Variants in PRKAR1B observed in about 807,000 individuals in gnomAD.
PRKAR1B encodes protein kinase cAMP-dependent type I regulatory subunit beta, also known as cAMP-dependent protein kinase type I-beta regulatory subunit.
PRKAR1B carries 22 observed loss-of-function variants against 46.5 expected under a neutral mutation model. The observed-to-expected ratio is 0.47, with a 90% CI of 0.34 to 0.68. The LOEUF is 0.68. PRKAR1B is among the 30% of genes least tolerant of loss of function. PRKAR1B has a pLI of 0.01. For missense variants in PRKAR1B, 445 were observed against 535.6 expected, an observed-to-expected ratio of 0.83 and a Z score of 1.67; for synonymous variants, 259 against 217.7, an observed-to-expected ratio of 1.19 and a Z score of -1.67.
At chr7:596,882 C>T (rs538584370) in intron 6 of PRKAR1B, among the ~76,000 whole-genome samples, 175 of 152,390 alleles carry the variant, frequency 1.1e-3, no homozygotes, top group African/African-American at 3.9e-3. Flanking sequence ...TCCCTCCCTA[C>T]AGGCAGCGCC....
At chr7:607,679 G>A (rs143751577) in intron 4 of PRKAR1B, among the ~76,000 whole-genome samples, 357 of 152,338 alleles carry the variant, frequency 2.3e-3, no homozygotes, top group African/African-American at 8.1e-3. Context: ...TCTGTTCTGT[G>A]CACAGACGCA....
chr7:684,485 G>A (rs1471069459), intron 2 of PRKAR1B, among the ~76,000 whole-genome samples: 1 of 152,170 alleles, frequency 6.6e-6, no homozygotes, highest in Non-Finnish European at 1.5e-5. Context: ...GAGATTTCTG[G>A]AAAACAGACA....
At chr7:663,443 C>T (rs1401859996) in intron 4 of PRKAR1B, among the ~76,000 whole-genome samples, 3 of 152,126 alleles carry the variant, frequency 2.0e-5, no homozygotes, top group African/African-American at 7.2e-5. Context: ...TGCTATGCTG[C>T]CCAGGCTGGT....
At chr7:599,071 G>T (rs977245077) in intron 6 of PRKAR1B, among the ~76,000 whole-genome samples, 6 of 152,226 alleles carry the variant, frequency 3.9e-5, no homozygotes, top group African/African-American at 7.2e-5. Flanking sequence ...TGCCCATGAG[G>T]CCTGGAGAAG....
intron 1 of PRKAR1B, among the ~76,000 whole-genome samples, chr7:723,962 T>C (rs1044882125): frequency 6.6e-6 from 1 of 152,234 alleles, no homozygotes; most frequent in Non-Finnish European, 1.5e-5. Context: ...TCTCCCTGTA[T>C]GCACGTCTAT....
chr7:588,049 C>T (rs1780699314), intron 7 of PRKAR1B, among the ~76,000 whole-genome samples: 6 of 152,206 alleles, frequency 3.9e-5, no homozygotes, highest in Admixed American at 2.6e-4. Context: ...TGGGCACAGG[C>T]CATTTCCGGT....
intron 4 of PRKAR1B, among the ~76,000 whole-genome samples, chr7:613,597 C>T (rs987036009): frequency 2.0e-5 from 3 of 152,172 alleles, no homozygotes; most frequent in Admixed American, 6.5e-5. Context: ...CGGGGTTGAA[C>T]GTGAGTAACT....
At position 714,833 on chromosome 7, in the gene PRKAR1B, C is replaced by T. The variant is rs941226794; in HGVS notation, c.-22-3306G>A. On this transcript the variant is annotated intron_variant, in intron 1 of 10. Transcript: ENST00000537384. This position sits in a 1 kb window ranked among gnomAD's most constrained non-coding sequence, Gnocchi z 4.3. ...GATCCTAGAGAAATGGAGCCACGGCCGTCCTCAAACCAAACCTGAGGCCCT... is the reference window on the plus strand; with the variant it reads ...GATCCTAGAGAAATGGAGCCACGGCTGTCCTCAAACCAAACCTGAGGCCCT... 2.6e-5 allele frequency among the ~76,000 whole-genome samples: 4 copies of T among 152,334 alleles called. No homozygotes were observed. The highest frequency in any genetic ancestry group is 4.4e-5 in the Non-Finnish European group (3 of 68,042).
chr7:685,261 CAT>C (rs1554303069), intron 2 of PRKAR1B, among the ~76,000 whole-genome samples: 2 of 61,420 alleles, frequency 3.3e-5, no homozygotes, highest in African/African-American at 7.0e-5. Flanking sequence ...TTTATATATA[CAT>C]ATATACGTAT....
chr7:642,522 G>A (rs995068918), intron 4 of PRKAR1B, among the ~76,000 whole-genome samples: 4 of 151,938 alleles, frequency 2.6e-5, no homozygotes, highest in South Asian at 2.1e-4. Context: ...TCAGGAGATC[G>A]AGACCATCCC....
chr7:686,036 C>A (rs1023871809), intron 2 of PRKAR1B, among the ~76,000 whole-genome samples: 7 of 152,096 alleles, frequency 4.6e-5, no homozygotes, highest in Non-Finnish European at 7.4e-5. Context: ...TGTGGTGGCT[C>A]ACACCTGTAA....
At chr7:554,192 C>A (rs1045314123) in intron 9 of PRKAR1B, among the ~76,000 whole-genome samples, 1 of 152,252 alleles carries the variant, frequency 6.6e-6, no homozygotes, top group Non-Finnish European at 1.5e-5. Context: ...CCCAGCCTTC[C>A]CATAGGTGAG....
chr7:615,182 T>C (rs1053806195), intron 4 of PRKAR1B, among the ~76,000 whole-genome samples: 3 of 151,998 alleles, frequency 2.0e-5, no homozygotes, highest in African/African-American at 4.8e-5. Flanking sequence ...TCCCAGCACT[T>C]TGGAAGCCCA....
chr7:619,713 G>A (rs571105129), intron 4 of PRKAR1B, among the ~76,000 whole-genome samples: 19 of 152,380 alleles, frequency 1.2e-4, no homozygotes, highest in African/African-American at 4.6e-4. Context: ...CTCCATTTAT[G>A]ATCAAGGCCT....
At chr7:628,869 C>T (rs894847618) in intron 4 of PRKAR1B, among the ~76,000 whole-genome samples, 2 of 60,886 alleles carry the variant, frequency 3.3e-5, no homozygotes, top group African/African-American at 5.0e-5. Flanking sequence ...CAAGGACCCC[C>T]CAAGTCAGGC....
intron 4 of PRKAR1B, among the ~76,000 whole-genome samples, chr7:615,634 G>A (rs1404196785): frequency 2.0e-5 from 3 of 150,992 alleles, no homozygotes; most frequent in Non-Finnish European, 2.9e-5. Context: ...TCAGGAGATC[G>A]AGACCATTAT....
intron 4 of PRKAR1B, among the ~76,000 whole-genome samples, chr7:632,578 G>C (rs1324207924): frequency 2.0e-5 from 3 of 152,224 alleles, no homozygotes; most frequent in African/African-American, 7.2e-5. Context: ...GAGCACACTG[G>C]GTGGGGCTGC....
intron 4 of PRKAR1B, among the ~76,000 whole-genome samples, chr7:641,354 G>C (rs1784376733): frequency 6.6e-6 from 1 of 152,194 alleles, no homozygotes; most frequent in African/African-American, 2.4e-5. Flanking sequence ...ACACGCATAA[G>C]GCTGTTCACG....
chr7:558,684 G>A (rs941924897), intron 9 of PRKAR1B, among the ~76,000 whole-genome samples: 1 of 151,806 alleles, frequency 6.6e-6, no homozygotes, highest in Non-Finnish European at 1.5e-5. Flanking sequence ...ACCGAGAGGG[G>A]GAGGTTGCAG....
Sources: gnomAD v4.1 joint callset for allele counts (sites outside exome capture counted in the v4.1 genomes callset) on GRCh38, gnomAD v4.1.1 for gene constraint, Gnocchi (gnomAD v3.1) non-coding constraint, MANE v1.5 for transcripts, NCBI Gene and HGNC (gene_info 2026-07-23, HGNC 2026-07-21) for gene names.